Variants in GALNT17 observed in about 807,000 individuals in gnomAD.
GALNT17 encodes polypeptide N-acetylgalactosaminyltransferase 17.
In GALNT17, 29 loss-of-function variants were observed where a neutral mutation model predicts 63.7. The ratio of observed to expected loss-of-function variants is 0.46; its 90% CI spans 0.34 to 0.62. GALNT17 has a LOEUF of 0.62. Among genes scored for constraint, GALNT17 ranks in the 20% least tolerant of loss-of-function variants. The pLI, the probability that GALNT17 is intolerant of heterozygous loss-of-function variation, is 0.01. For missense variants in GALNT17, 603 were observed against 799.6 expected (o/e 0.75, Z 2.97); for synonymous variants, 305 against 318.3 (o/e 0.96, Z 0.45).
intron 1 of GALNT17, among the ~76,000 whole-genome samples, chr7:71,159,163 A>G (rs1008619555): frequency 6.6e-6 from 1 of 151,648 alleles, no homozygotes; most frequent in Non-Finnish European, 1.5e-5. Flanking sequence ...ATAGCCCCTC[A>G]TGTCTGGCCT....
At chr7:71,684,008 C>CAAAAAAAAAA (rs5741642) in intron 9 of GALNT17, among the ~76,000 whole-genome samples, 1 of 121,442 alleles carries the variant, frequency 8.2e-6, no homozygotes, top group Admixed American at 8.6e-5. Context: ...CACTCTGTCT[C>CAAAAAAAAAA]AAAAAAAAAA....
chr7:71,590,908 C>G (rs1044734006), intron 6 of GALNT17, among the ~76,000 whole-genome samples: 2 of 151,822 alleles, frequency 1.3e-5, no homozygotes, highest in East Asian at 3.9e-4. Flanking sequence ...TACAGGTGCC[C>G]GCCACCAAGC....
At chr7:71,662,521 C>T (rs1233845716) in intron 6 of GALNT17, among the ~76,000 whole-genome samples, 2 of 152,140 alleles carry the variant, frequency 1.3e-5, no homozygotes, top group East Asian at 3.9e-4. Context: ...AAAAGAACCA[C>T]CAAACCCATT....
chr7:71,302,367 A>T (rs1791216601), intron 1 of GALNT17, among the ~76,000 whole-genome samples: 1 of 152,210 alleles, frequency 6.6e-6, no homozygotes, highest in Non-Finnish European at 1.5e-5. Flanking sequence ...AAATATTTTT[A>T]AAAATTAGGT....
intron 3 of GALNT17, among the ~76,000 whole-genome samples, chr7:71,406,333 T>C (rs1793328222): frequency 6.6e-6 from 1 of 152,186 alleles, no homozygotes; most frequent in African/African-American, 2.4e-5. Context: ...GGCCCCTTAC[T>C]TGCACGGGTG....
intron 8 of GALNT17, among the ~76,000 whole-genome samples, chr7:71,673,194 C>T (rs1350699409): frequency 1.3e-5 from 2 of 152,050 alleles, no homozygotes; most frequent in Non-Finnish European, 2.9e-5. Flanking sequence ...CCACTCATAT[C>T]CCAAGCAAAT....
intron 2 of GALNT17, among the ~76,000 whole-genome samples, chr7:71,378,274 T>G (rs1662341474): frequency 6.6e-6 from 1 of 152,170 alleles, no homozygotes; most frequent in Admixed American, 6.5e-5. Context: ...TGTGCATTTT[T>G]CCTAATAATG....
At chr7:71,430,440 G>A (rs1786840906) in intron 5 of GALNT17, among the ~76,000 whole-genome samples, 1 of 152,144 alleles carries the variant, frequency 6.6e-6, no homozygotes, top group Admixed American at 6.5e-5. Context: ...CCATGAGAGG[G>A]AAGGTTCCAA....
At chr7:71,536,075 G>C (rs1306108002) in intron 5 of GALNT17, among the ~76,000 whole-genome samples, 3 of 152,164 alleles carry the variant, frequency 2.0e-5, no homozygotes, top group Non-Finnish European at 4.4e-5. Context: ...ATTTGAGTCT[G>C]TTTTGGCATT....
chr7:71,209,256 C>T (rs1789330647), intron 1 of GALNT17, among the ~76,000 whole-genome samples: 3 of 152,176 alleles, frequency 2.0e-5, no homozygotes, highest in South Asian at 2.1e-4. Flanking sequence ...ATTTGGACCA[C>T]GGTTTAGCAG....
chr7:71,408,583 G>T (rs914346489), intron 3 of GALNT17, among the ~76,000 whole-genome samples: 5 of 152,226 alleles, frequency 3.3e-5, no homozygotes, highest in African/African-American at 7.2e-5. Context: ...CAGTATTGGA[G>T]CCAAGCTTGG....
At chr7:71,521,421 C>CT (rs1788528262) in intron 5 of GALNT17, among the ~76,000 whole-genome samples, 1 of 152,206 alleles carries the variant, frequency 6.6e-6, no homozygotes, top group East Asian at 1.9e-4. Flanking sequence ...TCGTGTCCAT[C>CT]TGTCCTGGAC....
intron 7 of GALNT17, among the ~76,000 whole-genome samples, chr7:71,669,131 G>C (rs1033389756): frequency 3.9e-5 from 6 of 152,188 alleles, no homozygotes; most frequent in Admixed American, 2.6e-4. Context: ...TGGTTGACCT[G>C]TCTGGGACCT....
At chr7:71,680,977 G>A (rs1256490576) in intron 9 of GALNT17, among the ~76,000 whole-genome samples, 1 of 151,654 alleles carries the variant, frequency 6.6e-6, no homozygotes, top group Non-Finnish European at 1.5e-5. Context: ...ACAGCTCACT[G>A]CAGCCTCAGC....
At chr7:71,319,299 T>C (rs1791561802) in intron 1 of GALNT17, among the ~76,000 whole-genome samples, 1 of 152,062 alleles carries the variant, frequency 6.6e-6, no homozygotes, top group Non-Finnish European at 1.5e-5. Flanking sequence ...TTTTCTGAAA[T>C]TGGTGCTGTG....
Position 71,152,202 on chromosome 7 carries a change from A to G in GALNT17, c.238+19162A>G, listed in dbSNP as rs776928594. 8.5e-5 allele frequency among the ~76,000 whole-genome samples: 13 copies of G among 152,314 alleles called. No homozygotes were observed. The East Asian group carries it at 2.3e-3, about 27-fold the overall frequency. ...ATAAAATACACAAATCTCACGAAATATCTTTTCAAGAGCTTTTTCTTTTTT... is the reference window on the plus strand; with the variant it reads ...ATAAAATACACAAATCTCACGAAATGTCTTTTCAAGAGCTTTTTCTTTTTT... On this transcript the variant is annotated intron_variant, in intron 1 of 10. Coordinates refer to ENST00000333538, the MANE Select transcript of GALNT17 (RefSeq NM_022479.3).
chr7:71,357,581 C>T (rs559419931), intron 2 of GALNT17, among the ~76,000 whole-genome samples: 1 of 152,204 alleles, frequency 6.6e-6, no homozygotes, highest in East Asian at 1.9e-4. Flanking sequence ...TAACTTTCTT[C>T]TCTCCCAGAA....
At chr7:71,237,511 GAAAAAA>G (rs369921098) in intron 1 of GALNT17, among the ~76,000 whole-genome samples, 1 of 78,124 alleles carries the variant, frequency 1.3e-5, no homozygotes, top group African/African-American at 4.2e-5. Context: ...TCCCATCTCT[GAAAAAA>G]AAAAAAAAAA....
chr7:71,647,842 GTC>G (rs1236118386), intron 6 of GALNT17, among the ~76,000 whole-genome samples: 2 of 152,224 alleles, frequency 1.3e-5, no homozygotes, highest in Non-Finnish European at 2.9e-5. Context: ...CAGTCCAGGT[GTC>G]TGGGGGGCCG....
Sources: gnomAD v4.1 joint callset for allele counts (sites outside exome capture counted in the v4.1 genomes callset) on GRCh38, gnomAD v4.1.1 for gene constraint, MANE v1.5 for transcripts, NCBI Gene and HGNC (gene_info 2026-07-23, HGNC 2026-07-21) for gene names.